The following FRY variants were observed in gnomAD, a reference collection of about 807,000 sequenced individuals.
FRY encodes the protein FRY microtubule binding protein.
A neutral mutation model predicts 348.4 loss-of-function variants in FRY; 128 were observed. That is an observed-to-expected ratio of 0.37 (90% confidence interval 0.32 to 0.43). FRY has a LOEUF of 0.43. Among genes scored for constraint, FRY ranks in the 20% least tolerant of loss-of-function variants. The pLI, the probability that FRY is intolerant of heterozygous loss-of-function variation, is 1.00. For missense variants in FRY, 2,736 were observed against 3,695.2 expected, an observed-to-expected ratio of 0.74 and a Z score of 6.73; for synonymous variants, 1,370 against 1,374.7, an observed-to-expected ratio of 1.00 and a Z score of 0.08.
In FRY at chr13:32,089,366, A is replaced by C. The variant is rs566483009; in HGVS notation, c.270+10333A>C. On this transcript the variant is annotated intron_variant, in intron 2 of 60. Coordinates refer to ENST00000542859, the MANE Select transcript of FRY (RefSeq NM_023037.3). ...TACTCAATTCCTAAGTTGTAATCAC[A>C]TAGGTTGAAGGCAGGGGGGTTGGAA... is the stretch of plus-strand genomic sequence containing the variant. 1.8e-4 allele frequency among the ~76,000 whole-genome samples: 27 copies of C among 152,296 alleles called. 1 individual carries two copies. The South Asian group carries it at 5.6e-3, about 32-fold the overall frequency.
At chr13:32,192,820 T>G (rs1014240079) in intron 28 of FRY, among the ~76,000 whole-genome samples, 13 of 147,000 alleles carry the variant, frequency 8.8e-5, no homozygotes, top group Non-Finnish European at 1.6e-4. Context: ...CTCAGCTCAC[T>G]GCAACCTCTG....
At chr13:32,137,116 G>T (rs1309831232) in intron 11 of FRY, 144 bp downstream of exon 11, 1 of 666,056 alleles carries the variant, frequency 1.5e-6, no homozygotes, top group African/African-American at 1.8e-5. Context: ...ATATTAATAA[G>T]AGTTCTTATT....
intron 3 of FRY, among the ~76,000 whole-genome samples, chr13:32,110,767 G>C (rs535678752): frequency 4.3e-4 from 65 of 152,248 alleles, no homozygotes; most frequent in African/African-American, 1.6e-3. Context: ...ATTGTATGCT[G>C]TACAATGTTT....
intron 3 of FRY, 87 bp downstream of exon 3, chr13:32,102,103 G>A (rs1456548066): frequency 1.2e-6 from 1 of 806,552 alleles, no homozygotes; most frequent in Non-Finnish European, 2.2e-6. Context: ...TTGTTGTATG[G>A]ATGAACATCC....
Position 32,278,609 on chromosome 13 carries a change from T to C in FRY, c.8469+61T>C. On this transcript the variant is annotated intron_variant, in intron 58 of 60. Transcript: ENST00000542859. Reference sequence around the variant, plus strand: ...CTCTAACATTGTGTATTAGTTTTGGTCTACCCAAGAAGCCTGGAACTTGAG... The same window carrying C: ...CTCTAACATTGTGTATTAGTTTTGGCCTACCCAAGAAGCCTGGAACTTGAG... The C allele has an allele frequency of 3.2e-6, 3 of 930,800 alleles. No homozygotes were observed. The South Asian group carries it at 3.9e-5, about 12-fold the overall frequency. The allele number at this position is 930,800 out of a possible 1,614,324, so 57.7% of individuals were successfully genotyped here.
At chr13:32,292,195 C>A (rs940456978) in intron 59 of FRY, among the ~76,000 whole-genome samples, 14 of 151,954 alleles carry the variant, frequency 9.2e-5, no homozygotes, top group African/African-American at 2.7e-4. Flanking sequence ...GTTAGTCAGG[C>A]TGGTCTCGAA....
chr13:32,248,521 T>TA (rs1886915109), intron 48 of FRY, among the ~76,000 whole-genome samples: 2 of 143,462 alleles, frequency 1.4e-5, no homozygotes, highest in Admixed American at 1.4e-4. Context: ...CCCCAGAACT[T>TA]AAAGTATATT....
At chr13:32,259,870 C>T (rs1207930233) in intron 51 of FRY, among the ~76,000 whole-genome samples, 1 of 151,864 alleles carries the variant, frequency 6.6e-6, no homozygotes, top group African/African-American at 2.4e-5. Context: ...AAGAAAAAAA[C>T]ATATGGTGGT....
At chr13:32,247,819 A>G (rs1388324985) in intron 48 of FRY, among the ~76,000 whole-genome samples, 1 of 152,262 alleles carries the variant, frequency 6.6e-6, no homozygotes, top group Non-Finnish European at 1.5e-5. Context: ...GACAATGGTC[A>G]TGTCTTTATA....
intron 51 of FRY, among the ~76,000 whole-genome samples, chr13:32,258,717 T>C (rs2520687): frequency 0.48 from 72,441 of 151,576 alleles, 18,808 homozygotes; most frequent in Middle Eastern, 0.67. Flanking sequence ...ATCTCTATCT[T>C]TGTGTAGTGA....
intron 56 of FRY, among the ~76,000 whole-genome samples, chr13:32,275,922 GC>G (rs1439768978): frequency 6.6e-6 from 1 of 151,302 alleles, no homozygotes; most frequent in Non-Finnish European, 1.5e-5. Context: ...ATCATCACAT[GC>G]TCAGTAATTA....
chr13:32,061,022 G>A (rs61946690), intron 1 of FRY: 5,102 of 496,460 alleles, frequency 0.01, 51 homozygotes, highest in Non-Finnish European at 0.014. Flanking sequence ...GGACCATGGA[G>A]CCCATCATTA....
chr13:32,237,263 A>G lies in FRY; in HGVS notation c.5811-116A>G. 1 of 985,362 alleles carries G rather than the reference A, an allele frequency of 1.0e-6. No homozygotes were observed. The highest frequency in any genetic ancestry group is 1.6e-6 in the Non-Finnish European group (1 of 640,400). 61.0% of individuals were successfully genotyped at this position (985,362 alleles called of 1,614,324 possible). A position where few individuals can be genotyped will look rare whatever the true frequency, so the allele number is the denominator to read the frequency against. The stretch of plus-strand genomic sequence containing the variant: ...GATAAGGAAAAATAAATGAATAGAA[A>G]GTGGCATTTCTAAAGAATGATTTCC... On this transcript the variant is annotated intron_variant, in intron 43 of 60. Coordinates refer to ENST00000542859, the MANE Select transcript of FRY (RefSeq NM_023037.3). This position sits in a 1 kb window ranked among gnomAD's most constrained non-coding sequence, Gnocchi z 6.3.
intron 22 of FRY, among the ~76,000 whole-genome samples, 166 bp from the exon 23 acceptor site, chr13:32,179,503 TTGTGTG>T (rs10628771): frequency 1.3e-3 from 176 of 137,642 alleles, no homozygotes; most frequent in Middle Eastern, 3.8e-3. Context: ...TGTATTAAAT[TTGTGTG>T]TGTGTGTGTG....
chr13:32,174,657 A>G (rs1287068568), intron 19 of FRY, among the ~76,000 whole-genome samples: 1 of 152,062 alleles, frequency 6.6e-6, no homozygotes, highest in Non-Finnish European at 1.5e-5. Flanking sequence ...CTAACGCCCC[A>G]CTTCTTAAGT....
intron 55 of FRY, among the ~76,000 whole-genome samples, chr13:32,271,777 A>C (rs1194201490): frequency 1.3e-5 from 2 of 152,184 alleles, no homozygotes; most frequent in Non-Finnish European, 2.9e-5. Context: ...ACTCTCTAGG[A>C]TCTTTCGCCA....
chr13:32,122,563 A>G (rs1225655979), intron 4 of FRY, among the ~76,000 whole-genome samples: 1 of 152,216 alleles, frequency 6.6e-6, no homozygotes, highest in Non-Finnish European at 1.5e-5. Flanking sequence ...ATCTACGACA[A>G]ACCCACAGCC....
At chr13:32,079,301 CAAG>C (rs1003249753) in intron 2 of FRY, among the ~76,000 whole-genome samples, 4 of 152,170 alleles carry the variant, frequency 2.6e-5, no homozygotes, top group East Asian at 1.9e-4. Flanking sequence ...CTTAATTTAA[CAAG>C]AAGAAGTATC....
At chr13:32,032,756 G>A (rs971053222) in intron 1 of FRY, among the ~76,000 whole-genome samples, 14 of 152,152 alleles carry the variant, frequency 9.2e-5, no homozygotes, top group African/African-American at 2.4e-4. Flanking sequence ...AACAGCCTTT[G>A]TACTTGCTTT....
Sources: allele counts gnomAD v4.1 joint callset (sites outside exome capture counted in the v4.1 genomes callset), GRCh38; gene constraint gnomAD v4.1.1; non-coding constraint Gnocchi (gnomAD v3.1); transcripts MANE v1.5; gene names NCBI Gene and HGNC (gene_info 2026-07-23, HGNC 2026-07-21).